Variants in MYO19 observed in about 807,000 individuals in gnomAD.
The protein encoded by MYO19 is unconventional myosin-XIX.
In MYO19, 132 loss-of-function variants were observed where a neutral mutation model predicts 129.2. That is an observed-to-expected ratio of 1.02 (90% CI 0.89 to 1.18). MYO19 has a LOEUF of 1.18. Ranked by LOEUF, MYO19 falls within the 50% of genes most tolerant of loss-of-function variation. MYO19 has a pLI of 0.00. For missense variants in MYO19, 1,210 were observed against 1,216.7 expected, an observed-to-expected ratio of 0.99 and a Z score of 0.08; for synonymous variants, 531 against 477.2, an observed-to-expected ratio of 1.11 and a Z score of -1.47.
At chr17:36,507,377 G>A (rs941820001) in intron 16 of MYO19, 22 bp downstream of exon 16, 6 of 1,602,038 alleles carry the variant, frequency 3.7e-6, no homozygotes, top group Middle Eastern at 1.7e-4. Flanking sequence ...CTGGTGCTCG[G>A]CTCATTAGCT....
In MYO19 at chr17:36,509,053, C is replaced by A. The variant is rs1316788922; in HGVS notation, c.1231+9G>T. ...CTGGAGTGCTCCCAGCACAGTGAGGCCTTGCTACCTATGAAAGTGGTCCAC... is the reference window on the plus strand; with the variant it reads ...CTGGAGTGCTCCCAGCACAGTGAGGACTTGCTACCTATGAAAGTGGTCCAC... On this transcript the variant is annotated intron_variant, in intron 14 of 25. Transcript: ENST00000614623. 3 of 1,612,820 alleles carry A rather than the reference C, an allele frequency of 1.9e-6. No individual in the cohort carries two copies. The highest frequency in any genetic ancestry group is 2.2e-5 in the East Asian group (1 of 44,870).
intron 6 of MYO19, among the ~76,000 whole-genome samples, chr17:36,524,719 G>A (rs1316840898): frequency 2.6e-5 from 4 of 152,218 alleles, no homozygotes; most frequent in Admixed American, 1.3e-4. Context: ...AGCTACTTTG[G>A]AGGAGCACTG....
At chr17:36,503,342 G>A in intron 20 of MYO19, 142 bp from the exon 21 acceptor site, 1 of 709,552 alleles carries the variant, frequency 1.4e-6, no homozygotes, top group Non-Finnish European at 2.5e-6. Flanking sequence ...CCCACTGAAT[G>A]TGAATGTGGT....
At chr17:36,544,613 C>T (rs567851770), upstream of MYO19, among the ~76,000 whole-genome samples, 36 of 152,318 alleles carry the variant, frequency 2.4e-4, no homozygotes, top group African/African-American at 8.2e-4. Flanking sequence ...ATAGACGACA[C>T]CCTGACGTCG....
intron 12 of MYO19, 166 bp from the exon 13 acceptor site, chr17:36,511,083 A>C (rs897397662): frequency 2.5e-6 from 2 of 797,026 alleles, no homozygotes; most frequent in Admixed American, 5.7e-5. Context: ...AACAGCAGTC[A>C]GAACTCAAAC....
chr17:36,533,869 C>G (rs2073972151), intron 2 of MYO19, 84 bp downstream of exon 2: 1 of 152,258 alleles, frequency 6.6e-6, no homozygotes, highest in Admixed American at 6.5e-5. Flanking sequence ...AAGAACTAAG[C>G]CTCACTCTGT....
Position 36,505,278 on chromosome 17 carries a change from T to G in MYO19, c.1905+19A>C, listed in dbSNP as rs764397121. On this transcript the variant is annotated intron_variant, in intron 19 of 25. Transcript: ENST00000614623. Reference sequence around the variant, plus strand: ...AGATGGGGTTTGGTGCGAAGCAGCTTTGGCCCGGTGTTAATTACCTCCTCT... The same window carrying G: ...AGATGGGGTTTGGTGCGAAGCAGCTGTGGCCCGGTGTTAATTACCTCCTCT... 1.2e-6 allele frequency: 2 copies of G among 1,608,342 alleles called. No homozygotes were observed. Among genetic ancestry groups the G allele is most frequent in the South Asian group, 1.1e-5 (1 of 90,970 alleles).
At chr17:36,535,080 A>T (rs1055601461), upstream of MYO19, 3 of 152,320 alleles carry the variant, frequency 2.0e-5, no homozygotes, top group African/African-American at 7.2e-5. Context: ...ACCCTGGGGT[A>T]AAATGAGGGT....
chr17:36,537,985 G>A (rs779287577), upstream of MYO19: 9 of 1,613,866 alleles, frequency 5.6e-6, no homozygotes, highest in South Asian at 2.2e-5. Flanking sequence ...AGTGGCACAC[G>A]GGTTGGTCTA....
intron 3 of MYO19, among the ~76,000 whole-genome samples, chr17:36,530,315 T>C (rs931893738): frequency 2.6e-5 from 4 of 152,088 alleles, no homozygotes; most frequent in East Asian, 1.9e-4. Context: ...TAAATAATTA[T>C]TTAAAGTTCT....
intron 6 of MYO19, among the ~76,000 whole-genome samples, chr17:36,519,282 T>G (rs2072996292): frequency 1.3e-5 from 2 of 152,260 alleles, no homozygotes; most frequent in Admixed American, 1.3e-4. Context: ...CACACCTGTT[T>G]AGAACTGTTT....
Position 36,509,078 on chromosome 17 carries a change from CG to C in MYO19, c.1214del (p.Ser405CysfsTer6). On this transcript the variant is annotated frameshift_variant, in exon 14 of 26. Transcript: ENST00000614623. LOFTEE classifies it high-confidence loss of function. ...INSSICADTD[S>X]WTTFIGLLDV... ...CCTTGCTACCTATGAAAGTGGTCCA[CG>C]AGTCGGTGTCTGCACAGATGCTGCT... 6.2e-7 allele frequency: 1 copy of C among 1,613,724 alleles called. No homozygotes were observed.
rs1340374387 is a variant in MYO19 at position 36,513,655 on chromosome 17, A to G, written c.791T>C (p.Leu264Pro). ...HLPEGAAFSW[L>P]PNPERSLEED... ...TTCTAAGCTCCTCTCTGGGTTGGGCAGCCAGGAGAAGGCAGCTCCCTCAGG... is the reference window on the plus strand; with the variant it reads ...TTCTAAGCTCCTCTCTGGGTTGGGCGGCCAGGAGAAGGCAGCTCCCTCAGG... Residue 264 changes from leucine (L) to proline (P), a missense_variant, in exon 10 of 26, where the codon CTG becomes CCG. By Grantham distance (98) the Leu-to-Pro change is moderately conservative. Transcript: ENST00000614623. The G allele has an allele frequency of 1.2e-6, 2 of 1,613,900 alleles. No homozygotes were observed. The highest frequency in any genetic ancestry group is 1.3e-5 in the African/African-American group (1 of 74,932).
intron 2 of MYO19, among the ~76,000 whole-genome samples, chr17:36,540,478 C>A (rs546111785): frequency 1.1e-4 from 17 of 150,514 alleles, no homozygotes; most frequent in African/African-American, 4.1e-4. Flanking sequence ...TCAAGCAATT[C>A]TTCTGCCTCA....
intron 19 of MYO19, chr17:36,504,975 G>A (rs1265145679): frequency 2.0e-5 from 10 of 499,882 alleles, no homozygotes; most frequent in Non-Finnish European, 3.4e-5. Context: ...ACTGTGCGGG[G>A]ACTGTGTGGT....
intron 2 of MYO19, among the ~76,000 whole-genome samples, chr17:36,541,227 G>C (rs564093399): frequency 6.6e-6 from 1 of 152,098 alleles, no homozygotes; most frequent in Non-Finnish European, 1.5e-5. Context: ...TTACAGGTGC[G>C]AGCCACCGCA....
In MYO19 at chr17:36,498,251, T is replaced by A; in HGVS notation, c.2757+15A>T. The A allele has an allele frequency of 6.2e-7, 1 of 1,600,652 alleles. No homozygotes were observed. The highest frequency in any genetic ancestry group is 8.5e-7 in the Non-Finnish European group (1 of 1,171,982). ...CTCAGGAACAAAGCTGTCATGGCCA[T>A]CACACACAACGTACCTGAGGCAGCG... On this transcript the variant is annotated intron_variant, in intron 25 of 25. Transcript: ENST00000614623.
At chr17:36,516,199 C>G (rs1048448942) in intron 6 of MYO19, among the ~76,000 whole-genome samples, 4 of 152,224 alleles carry the variant, frequency 2.6e-5, no homozygotes, top group Non-Finnish European at 5.9e-5. Flanking sequence ...TCTCTCAGCT[C>G]TGTGGCAGAC....
chr17:36,541,978 G>A (rs1479256094), intron 2 of MYO19: 9 of 152,280 alleles, frequency 5.9e-5, no homozygotes, highest in Admixed American at 3.3e-4. Flanking sequence ...TTGGGATATT[G>A]ATTTTATTGT....
Sources: gnomAD v4.1 joint callset for allele counts (sites outside exome capture counted in the v4.1 genomes callset) on GRCh38, gnomAD v4.1.1 for gene constraint, MANE v1.5 for transcripts, NCBI Gene and HGNC (gene_info 2026-07-23, HGNC 2026-07-21) for gene names.